Variants in ANTXR2 observed in about 807,000 individuals in gnomAD.
The protein encoded by ANTXR2 is ANTXR cell adhesion molecule 2, also known as anthrax toxin receptor 2.
ANTXR2 carries 44 observed loss-of-function variants against 73.7 expected under a neutral mutation model. That is an observed-to-expected ratio of 0.60 (90% CI 0.47 to 0.77). ANTXR2 has a LOEUF of 0.77. Ranked by LOEUF, ANTXR2 falls within the 30% of genes least tolerant of loss-of-function variation. ANTXR2 has a pLI of 0.00. For synonymous variants in ANTXR2, 217 were observed against 205.9 expected (o/e 1.05, Z -0.46); for missense variants, 604 against 592.5 (o/e 1.02, Z -0.20).
chr4:80,045,527 C>T (rs947694118), intron 7 of ANTXR2, among the ~76,000 whole-genome samples: 1 of 151,380 alleles, frequency 6.6e-6, no homozygotes, highest in Admixed American at 6.6e-5. Context: ...TTTCCATGAC[C>T]CACAGCATGT....
intron 16 of ANTXR2, among the ~76,000 whole-genome samples, chr4:79,920,701 G>A (rs1727560357): frequency 6.6e-6 from 1 of 152,084 alleles, no homozygotes; most frequent in African/African-American, 2.4e-5. Flanking sequence ...CAAACAGAAG[G>A]CAGAGATCTT....
intron 11 of ANTXR2, among the ~76,000 whole-genome samples, chr4:80,018,540 A>G (rs186476045): frequency 5.2e-4 from 79 of 152,332 alleles, no homozygotes; most frequent in African/African-American, 1.7e-3. Flanking sequence ...ATGTTTAGAT[A>G]CTGTAATCTA....
At chr4:79,932,118 G>T (rs1728082462) in intron 16 of ANTXR2, among the ~76,000 whole-genome samples, 1 of 151,950 alleles carries the variant, frequency 6.6e-6, no homozygotes, top group Non-Finnish European at 1.5e-5. Flanking sequence ...GATATATCTT[G>T]TTCACTGATC....
intron 7 of ANTXR2, among the ~76,000 whole-genome samples, chr4:80,038,281 T>C (rs1733073010): frequency 6.6e-6 from 1 of 152,164 alleles, no homozygotes; most frequent in African/African-American, 2.4e-5. Flanking sequence ...TTCATAATAT[T>C]TAAGATAATT....
chr4:79,921,323 T>C (rs10012109), intron 16 of ANTXR2, among the ~76,000 whole-genome samples: 87,151 of 151,866 alleles, frequency 0.57, 25,338 homozygotes, highest in Non-Finnish European at 0.6. Context: ...TAGTGATACA[T>C]TGATTTATTC....
intron 16 of ANTXR2, among the ~76,000 whole-genome samples, chr4:79,927,626 G>A (rs1222843737): frequency 6.6e-6 from 1 of 152,042 alleles, no homozygotes; most frequent in Non-Finnish European, 1.5e-5. Flanking sequence ...AGTATTATTT[G>A]GTTGATTGAA....
chr4:79,915,858 C>CTATATATATATA (rs1248612325), intron 16 of ANTXR2, among the ~76,000 whole-genome samples: 22 of 117,640 alleles, frequency 1.9e-4, no homozygotes, highest in East Asian at 5.5e-4. Flanking sequence ...CTCTCTCTCT[C>CTATATATATATA]TCTCTATATA....
intron 7 of ANTXR2, among the ~76,000 whole-genome samples, chr4:80,053,250 C>T (rs922019152): frequency 1.3e-5 from 2 of 151,590 alleles, no homozygotes; most frequent in Non-Finnish European, 3.0e-5. Context: ...TCCCTAAAAC[C>T]TAAACACAAC....
At chr4:79,933,719 A>C (rs1578095767) in intron 16 of ANTXR2, among the ~76,000 whole-genome samples, 2 of 62,332 alleles carry the variant, frequency 3.2e-5, no homozygotes, top group East Asian at 6.3e-4. Flanking sequence ...ACCCCACAAC[A>C]GGCCCTGGTG....
intron 16 of ANTXR2, among the ~76,000 whole-genome samples, chr4:79,907,863 CATTT>C (rs1220158665): frequency 6.6e-6 from 1 of 152,100 alleles, no homozygotes; most frequent in Admixed American, 6.6e-5. Flanking sequence ...ATGAGGATCA[CATTT>C]AGTAAGCAGT....
intron 12 of ANTXR2, among the ~76,000 whole-genome samples, chr4:79,996,025 T>C (rs570731498): frequency 6.6e-6 from 1 of 152,098 alleles, no homozygotes; most frequent in East Asian, 1.9e-4. Context: ...TCTTTTATTT[T>C]CATAATAACT....
chr4:80,001,255 C>T (rs891003579), intron 12 of ANTXR2, among the ~76,000 whole-genome samples: 12 of 151,202 alleles, frequency 7.9e-5, no homozygotes, highest in African/African-American at 1.2e-4. Flanking sequence ...CATGCTGGTG[C>T]GCTGCACCCA....
At chr4:80,036,910 A>G (rs1385185907) in intron 7 of ANTXR2, among the ~76,000 whole-genome samples, 1 of 152,184 alleles carries the variant, frequency 6.6e-6, no homozygotes, top group East Asian at 1.9e-4. Context: ...TGCATAAAAA[A>G]TTACAATTGC....
At position 79,919,232 on chromosome 4, in the gene ANTXR2, C is replaced by T. The variant is rs145089145; in HGVS notation, c.1429-11765G>A. On this transcript the variant is annotated intron_variant, in intron 16 of 16. Coordinates refer to ENST00000403729, the MANE Select transcript of ANTXR2 (RefSeq NM_058172.6). ...AAAATAAATATTTCAAGTGACTTAA[C>T]GCAGTATTTTGCCTGTATAGCAACA... Among the ~76,000 whole-genome samples the T allele has an allele frequency of 2.1e-4, 32 of 152,252 alleles. No individual in the cohort carries two copies. In the East Asian group the frequency reaches 4.2e-3, roughly 20 times the overall value.
At chr4:79,936,546 T>A (rs1364452389) in intron 16 of ANTXR2, among the ~76,000 whole-genome samples, 3 of 152,134 alleles carry the variant, frequency 2.0e-5, no homozygotes, top group African/African-American at 7.2e-5. Context: ...GTAATTTATG[T>A]CCTCATAAAA....
rs1029196064 is a variant in ANTXR2 at position 80,072,661 on chromosome 4, G to A, written c.-101C>T. The A allele has an allele frequency of 8.2e-6, 11 of 1,340,480 alleles. No homozygotes were observed. Among genetic ancestry groups the A allele is most frequent in the Non-Finnish European group, 1.0e-5 (11 of 1,049,330 alleles). 83.0% of individuals were successfully genotyped at this position (1,340,480 alleles called of 1,614,324 possible). On this transcript the variant is annotated 5_prime_UTR_variant, in exon 1 of 17. Coordinates refer to ENST00000403729, the MANE Select transcript of ANTXR2 (RefSeq NM_058172.6). ...TCACCCGGCACGCACTCTGGGGTGG[G>A]GGGCGGCGAGCAGCTGAGACGCCGG...
At chr4:79,973,014 G>A (rs958841353) in intron 16 of ANTXR2, among the ~76,000 whole-genome samples, 1 of 150,636 alleles carries the variant, frequency 6.6e-6, no homozygotes, top group South Asian at 2.1e-4. Context: ...GTATAAACTA[G>A]TATAAGAAAT....
chr4:80,010,620 T>A (rs775828112), intron 11 of ANTXR2, among the ~76,000 whole-genome samples: 6 of 152,180 alleles, frequency 3.9e-5, no homozygotes, highest in Non-Finnish European at 8.8e-5. Flanking sequence ...GCTAAAAATT[T>A]AGTGGTTAGT....
chr4:79,999,821 G>A (rs183753750), intron 12 of ANTXR2, among the ~76,000 whole-genome samples: 1 of 152,052 alleles, frequency 6.6e-6, no homozygotes, highest in African/African-American at 2.4e-5. Flanking sequence ...GGAGGCTGAA[G>A]CTGAGGCAGG....
Sources: gnomAD v4.1 joint callset for allele counts (sites outside exome capture counted in the v4.1 genomes callset) on GRCh38, gnomAD v4.1.1 for gene constraint, MANE v1.5 for transcripts, NCBI Gene and HGNC (gene_info 2026-07-23, HGNC 2026-07-21) for gene names.